CBLB: variants seen among roughly 807,000 people sequenced by gnomAD.
The protein encoded by CBLB is E3 ubiquitin-protein ligase CBL-B.
Under a neutral mutation model 104.9 loss-of-function variants are expected in CBLB, and 31 were observed. That is an observed-to-expected ratio of 0.30 (90% CI 0.22 to 0.40). The LOEUF (loss-of-function observed/expected upper bound fraction) is 0.40, where lower values mean the gene tolerates loss of function less well. Ranked by LOEUF, CBLB falls within the 10% of genes least tolerant of loss-of-function variation. CBLB has a pLI of 1.00. For missense variants in CBLB, 1,062 were observed against 1,214.6 expected (o/e 0.87, Z 1.87); for synonymous variants, 440 against 422.6 (o/e 1.04, Z -0.51).
chr3:105,767,879 AG>A (rs1301393607), intron 4 of CBLB, among the ~76,000 whole-genome samples: 2 of 152,210 alleles, frequency 1.3e-5, no homozygotes, highest in Non-Finnish European at 2.9e-5. Flanking sequence ...TAAATGTTGC[AG>A]TCAGAACCTG....
At chr3:105,667,766 C>A (rs1176235598) in intron 18 of CBLB, among the ~76,000 whole-genome samples, 2 of 152,126 alleles carry the variant, frequency 1.3e-5, no homozygotes, top group Non-Finnish European at 2.9e-5. Flanking sequence ...GAAGCCTATT[C>A]ATAAATGACT....
chr3:105,746,067 AG>A (rs1201639911), intron 5 of CBLB, 29 bp from the exon 6 acceptor site: 1 of 1,430,940 alleles, frequency 7.0e-7, no homozygotes, highest in Non-Finnish European at 9.8e-7. Flanking sequence ...AAAAGAGATT[AG>A]TATCTAGAGA....
chr3:105,816,237 T>G (rs1279838766), intron 3 of CBLB, among the ~76,000 whole-genome samples: 1 of 152,200 alleles, frequency 6.6e-6, no homozygotes, highest in African/African-American at 2.4e-5. Context: ...TGATGTCATC[T>G]GATCTTGTTT....
chr3:105,733,033 C>G (rs548915339), intron 9 of CBLB, among the ~76,000 whole-genome samples: 1 of 152,126 alleles, frequency 6.6e-6, no homozygotes, highest in African/African-American at 2.4e-5. Flanking sequence ...GTCCAAAGAT[C>G]CATTTTAAAA....
intron 13 of CBLB, among the ~76,000 whole-genome samples, chr3:105,687,487 A>G (rs772209847): frequency 6.6e-6 from 1 of 152,076 alleles, no homozygotes; most frequent in Non-Finnish European, 1.5e-5. Context: ...CTAATACTTC[A>G]TGGAATAATA....
intron 3 of CBLB, among the ~76,000 whole-genome samples, chr3:105,815,861 A>G (rs1466290756): frequency 6.6e-6 from 1 of 152,242 alleles, no homozygotes; most frequent in Admixed American, 6.5e-5. Context: ...AATACTATGC[A>G]GCCATAAAAA....
At chr3:105,703,541 T>C (rs887735060) in intron 11 of CBLB, among the ~76,000 whole-genome samples, 1 of 152,154 alleles carries the variant, frequency 6.6e-6, no homozygotes, top group Non-Finnish European at 1.5e-5. Context: ...AAAAACTACA[T>C]ATAATTCCCT....
intron 3 of CBLB, among the ~76,000 whole-genome samples, chr3:105,785,887 C>T (rs1054327181): frequency 6.6e-6 from 1 of 152,002 alleles, no homozygotes; most frequent in African/African-American, 2.4e-5. Context: ...GATATAGATA[C>T]CTCATAGAAA....
intron 17 of CBLB, among the ~76,000 whole-genome samples, chr3:105,676,309 G>A (rs536404653): frequency 5.9e-5 from 9 of 152,172 alleles, no homozygotes; most frequent in African/African-American, 2.2e-4. Flanking sequence ...GTTTCTTTAT[G>A]AAGATTTTAT....
chr3:105,860,379 G>A (rs2091991617), intron 2 of CBLB, among the ~76,000 whole-genome samples: 1 of 152,168 alleles, frequency 6.6e-6, no homozygotes, highest in South Asian at 2.1e-4. Flanking sequence ...TGGAAGTGGA[G>A]GAGGGGAAAT....
At chr3:105,865,900 G>A (rs375135011) in intron 2 of CBLB, among the ~76,000 whole-genome samples, 16 of 152,306 alleles carry the variant, frequency 1.1e-4, no homozygotes, top group African/African-American at 3.6e-4. Context: ...TAGGCAGTGA[G>A]AGTGACCTTC....
At chr3:105,802,558 C>T (rs2083016644) in intron 3 of CBLB, among the ~76,000 whole-genome samples, 1 of 152,128 alleles carries the variant, frequency 6.6e-6, no homozygotes, top group Non-Finnish European at 1.5e-5. Flanking sequence ...TGTAACGGAC[C>T]CACAGCTAAC....
intron 3 of CBLB, among the ~76,000 whole-genome samples, chr3:105,845,994 T>C (rs2090194150): frequency 6.6e-6 from 1 of 152,154 alleles, no homozygotes; most frequent in African/African-American, 2.4e-5. Flanking sequence ...TTGATTACTA[T>C]TTGTCTTCTG....
chr3:105,668,425 T>C (rs1576173591), intron 18 of CBLB, among the ~76,000 whole-genome samples: 2 of 152,222 alleles, frequency 1.3e-5, no homozygotes, highest in Admixed American at 6.5e-5. Context: ...AACTAAAGTA[T>C]AGGTTTCTTT....
chr3:105,786,064 G>GGGT (rs1054694911), intron 3 of CBLB, among the ~76,000 whole-genome samples: 3 of 139,154 alleles, frequency 2.2e-5, no homozygotes, highest in East Asian at 2.1e-4. Context: ...AGAGGATCGG[G>GGGT]GGGGGGAAAG....
At chr3:105,791,086 A>AC (rs2081581651) in intron 3 of CBLB, among the ~76,000 whole-genome samples, 1 of 152,234 alleles carries the variant, frequency 6.6e-6, no homozygotes. Flanking sequence ...TTTTACCCAA[A>AC]TTTAAAAGAT....
chr3:105,832,710 C>G (rs1022004163), intron 3 of CBLB, among the ~76,000 whole-genome samples: 9 of 152,272 alleles, frequency 5.9e-5, no homozygotes, highest in African/African-American at 2.2e-4. Flanking sequence ...CAATGCCTGC[C>G]AAGTTTTATG....
At chr3:105,689,480 A>C (rs1431300652) in intron 13 of CBLB, among the ~76,000 whole-genome samples, 3 of 151,104 alleles carry the variant, frequency 2.0e-5, no homozygotes, top group Non-Finnish European at 3.0e-5. Flanking sequence ...CCATCTCTAA[A>C]AGACAAGGCA....
intron 12 of CBLB, among the ~76,000 whole-genome samples, chr3:105,696,492 C>G (rs2068405858): frequency 6.6e-6 from 1 of 151,780 alleles, no homozygotes; most frequent in Non-Finnish European, 1.5e-5. Context: ...ATCTGAAAAA[C>G]CTGTTTGCAA....
Sources: allele counts gnomAD v4.1 joint callset (sites outside exome capture counted in the v4.1 genomes callset), GRCh38; gene constraint gnomAD v4.1.1; transcripts MANE v1.5; gene names NCBI Gene and HGNC (gene_info 2026-07-23, HGNC 2026-07-21).